Variants in PDS5B observed in about 807,000 individuals in gnomAD.
PDS5B encodes the protein sister chromatid cohesion protein PDS5 homolog B.
Under a neutral mutation model 184.1 loss-of-function variants are expected in PDS5B, and 51 were observed. The observed-to-expected ratio is 0.28, with a 90% CI of 0.22 to 0.35. The LOEUF (loss-of-function observed/expected upper bound fraction) is 0.35, where lower values mean the gene tolerates loss of function less well. PDS5B is among the 10% of genes least tolerant of loss of function. The pLI is 1.00. For synonymous variants in PDS5B, 566 were observed against 569.2 expected, an observed-to-expected ratio of 0.99 and a Z score of 0.08; for missense variants, 1,180 against 1,723.3, an observed-to-expected ratio of 0.68 and a Z score of 5.58.
chr13:32,590,398 G>A (rs775148721), intron 1 of PDS5B, among the ~76,000 whole-genome samples: 13 of 152,204 alleles, frequency 8.5e-5, no homozygotes, highest in Non-Finnish European at 1.8e-4. Flanking sequence ...GTGCAGAGTA[G>A]TGGTTGGCCA....
intron 31 of PDS5B, 27 bp from the exon 32 acceptor site, chr13:32,770,094 T>TC (rs1385828670): frequency 6.5e-7 from 1 of 1,544,666 alleles, no homozygotes; most frequent in South Asian, 1.2e-5. Context: ...TTCATAACCA[T>TC]AAATTGTGAT....
intron 19 of PDS5B, among the ~76,000 whole-genome samples, chr13:32,728,421 A>G (rs1429148328): frequency 6.7e-6 from 1 of 149,758 alleles, no homozygotes; most frequent in Admixed American, 6.8e-5. Context: ...ACTGCTTTCC[A>G]TGGTCCTTTT....
chr13:32,743,506 A>T (rs779902571), intron 23 of PDS5B, among the ~76,000 whole-genome samples: 1 of 152,154 alleles, frequency 6.6e-6, no homozygotes, highest in East Asian at 1.9e-4. Context: ...GTGTAAACCA[A>T]GTGCCATTTG....
At chr13:32,704,214 G>A (rs780635515) in intron 17 of PDS5B, among the ~76,000 whole-genome samples, 1 of 151,868 alleles carries the variant, frequency 6.6e-6, no homozygotes, top group Non-Finnish European at 1.5e-5. Flanking sequence ...TGTTGCCCAG[G>A]CTAGAGTGCA....
chr13:32,661,385 C>CAAAAAAAA (rs747985772), intron 6 of PDS5B, among the ~76,000 whole-genome samples: 7 of 32,012 alleles, frequency 2.2e-4, no homozygotes, highest in Admixed American at 1.1e-3. Context: ...GACTCTGTCT[C>CAAAAAAAA]AAAAAAAAAA....
At chr13:32,626,153 C>T (rs748734538) in intron 1 of PDS5B, among the ~76,000 whole-genome samples, 13 of 152,082 alleles carry the variant, frequency 8.5e-5, no homozygotes, top group Non-Finnish European at 1.6e-4. Flanking sequence ...GACCAGTATT[C>T]AAGTGAGATG....
intron 1 of PDS5B, among the ~76,000 whole-genome samples, chr13:32,604,176 A>G (rs1220540900): frequency 1.3e-5 from 2 of 152,192 alleles, no homozygotes; most frequent in East Asian, 3.8e-4. Flanking sequence ...GAATGCTTCC[A>G]GTTTTTGCCC....
intron 1 of PDS5B, among the ~76,000 whole-genome samples, chr13:32,614,961 T>C (rs1362383489): frequency 6.6e-6 from 1 of 152,220 alleles, no homozygotes; most frequent in Non-Finnish European, 1.5e-5. Flanking sequence ...TTGTAACTTT[T>C]TCTTGATGTG....
chr13:32,635,001 CTT>C (rs4057820), intron 1 of PDS5B, among the ~76,000 whole-genome samples: 44,853 of 128,494 alleles, frequency 0.35, 8,258 homozygotes, highest in Non-Finnish European at 0.42. Flanking sequence ...CTTACTGCCT[CTT>C]TTTTTTTTTT....
chr13:32,770,563 A>G lies in PDS5B; in HGVS notation c.4064+3A>G. The G allele has an allele frequency of 1.2e-6, 2 of 1,603,552 alleles. No homozygotes were observed. The highest frequency in any genetic ancestry group is 1.7e-6 in the Non-Finnish European group (2 of 1,176,872). On this transcript the variant is annotated splice_donor_region_variant and intron_variant, in intron 32 of 34. Transcript: ENST00000315596. Reference sequence around the variant, plus strand: ...GTGTCAAGGAGAGCACAGCAGAGGTAAGCATGTGTAACTCTAAACTGCATC... The same window carrying G: ...GTGTCAAGGAGAGCACAGCAGAGGTGAGCATGTGTAACTCTAAACTGCATC...
At chr13:32,649,186 T>C in intron 2 of PDS5B, 1 of 214,138 alleles carries the variant, frequency 4.7e-6, no homozygotes, top group South Asian at 8.4e-5. Flanking sequence ...TTCTTCTATA[T>C]AGTTTCTAAA....
At chr13:32,687,085 A>G (rs778572137) in intron 11 of PDS5B, 49 bp from the exon 12 acceptor site, 40 of 1,428,440 alleles carry the variant, frequency 2.8e-5, no homozygotes, top group Non-Finnish European at 3.6e-5. Flanking sequence ...TCCTTAATTT[A>G]TATAATGGAA....
intron 26 of PDS5B, 132 bp downstream of exon 26, chr13:32,756,088 G>T: frequency 2.0e-6 from 1 of 508,832 alleles, no homozygotes; most frequent in Non-Finnish European, 3.5e-6. Context: ...TTCTTTATTT[G>T]CTCTCTTGTC....
intron 1 of PDS5B, among the ~76,000 whole-genome samples, chr13:32,641,527 A>G (rs952541370): frequency 2.0e-5 from 3 of 152,102 alleles, no homozygotes; most frequent in African/African-American, 7.2e-5. Flanking sequence ...ATTTTTGCCT[A>G]GGTTTTTGTA....
At chr13:32,613,172 A>G (rs2058168013) in intron 1 of PDS5B, among the ~76,000 whole-genome samples, 1 of 152,144 alleles carries the variant, frequency 6.6e-6, no homozygotes, top group Non-Finnish European at 1.5e-5. Flanking sequence ...TCCATTTTTC[A>G]GCTATTATAA....
At chr13:32,678,424 C>G (rs892752971) in intron 9 of PDS5B, among the ~76,000 whole-genome samples, 6 of 152,036 alleles carry the variant, frequency 3.9e-5, no homozygotes, top group Admixed American at 1.3e-4. Context: ...AGTGAATGCC[C>G]TATATTTAAA....
chr13:32,608,778 G>T (rs2058099045), intron 1 of PDS5B, among the ~76,000 whole-genome samples: 1 of 152,178 alleles, frequency 6.6e-6, no homozygotes, highest in African/African-American at 2.4e-5. Context: ...TGGAGAAGTT[G>T]GAGAACGAGA....
At chr13:32,695,362 T>G (rs1951672081) in intron 14 of PDS5B, among the ~76,000 whole-genome samples, 1 of 151,986 alleles carries the variant, frequency 6.6e-6, no homozygotes, top group Non-Finnish European at 1.5e-5. Flanking sequence ...GACTTAAAAC[T>G]GAGTGATTTT....
At chr13:32,707,931 G>A (rs759051101) in intron 18 of PDS5B, among the ~76,000 whole-genome samples, 5 of 151,862 alleles carry the variant, frequency 3.3e-5, no homozygotes, top group Non-Finnish European at 7.4e-5. Context: ...AAACAAGGGC[G>A]AGATAGAAGC....
Sources: gnomAD v4.1 joint callset for allele counts (sites outside exome capture counted in the v4.1 genomes callset) on GRCh38, gnomAD v4.1.1 for gene constraint, MANE v1.5 for transcripts, NCBI Gene and HGNC (gene_info 2026-07-23, HGNC 2026-07-21) for gene names.